Variants in KCNN2 observed in about 807,000 individuals in gnomAD.
KCNN2 encodes potassium calcium-activated channel subfamily N member 2, also known as small conductance calcium-activated potassium channel protein 2.
A neutral mutation model predicts 55.5 loss-of-function variants in KCNN2; 24 were observed. The ratio of observed to expected loss-of-function variants is 0.43; its 90% confidence interval spans 0.31 to 0.61. KCNN2 has a LOEUF of 0.61. KCNN2 is among the 20% of genes least tolerant of loss of function. The pLI is 0.08. For synonymous variants in KCNN2, 431 were observed against 336.1 expected (o/e 1.28, Z -3.09); for missense variants, 754 against 853.6 (o/e 0.88, Z 1.45).
intron 1 of KCNN2, among the ~76,000 whole-genome samples, chr5:114,081,356 A>G (rs1580494013): frequency 6.6e-6 from 1 of 152,276 alleles, no homozygotes; most frequent in East Asian, 1.9e-4. Flanking sequence ...AAGGAAAAAA[A>G]TGGGAAGACT....
chr5:114,483,253 G>A (rs1762307379), intron 5 of KCNN2, among the ~76,000 whole-genome samples: 1 of 148,240 alleles, frequency 6.7e-6, no homozygotes. Context: ...CAATAATGTA[G>A]TAGTAGTGTT....
intron 2 of KCNN2, among the ~76,000 whole-genome samples, chr5:114,365,217 T>C (rs1297073487): frequency 1.3e-5 from 2 of 152,170 alleles, no homozygotes. Context: ...AAAATGTGTT[T>C]TTGAAGGGAT....
chr5:114,287,530 T>C (rs973972578), intron 2 of KCNN2, among the ~76,000 whole-genome samples: 5 of 146,716 alleles, frequency 3.4e-5, no homozygotes, highest in African/African-American at 1.0e-4. Context: ...TTCTCACTGG[T>C]AAGTGGGAGT....
rs10658266 is a variant in KCNN2, at chr5:114,232,925, G to GTTTTTTTTTTTTTTTTT, written c.-185+11373_-185+11374insTTTTTTTTTTTTTTTTT. ...GAGGTAATTTTTTATATTGTTTCTT[G>GTTTTTTTTTTTTTTTTT]TTTTTTTTTTTTTGAGACGGAGTCT... On this transcript the variant is annotated intron_variant, in intron 2 of 10. Coordinates refer to the KCNN2 transcript ENST00000512097. 2.3e-3 allele frequency among the ~76,000 whole-genome samples: 175 copies of GTTTTTTTTTTTTTTTTT among 76,230 alleles called. 25 individuals are homozygous for GTTTTTTTTTTTTTTTTT. The highest frequency in any genetic ancestry group is 0.01 in the Middle Eastern group (1 of 98). 50.0% of individuals were successfully genotyped at this position (76,230 alleles called of 152,430 possible). A position where few individuals can be genotyped will look rare whatever the true frequency, so the allele number is the denominator to read the frequency against.
intron 3 of KCNN2, among the ~76,000 whole-genome samples, chr5:114,410,059 C>T (rs1157713278): frequency 2.0e-5 from 3 of 151,974 alleles, no homozygotes; most frequent in Non-Finnish European, 4.4e-5. Flanking sequence ...GAACACTGTC[C>T]TCTTAAGCAG....
At chr5:114,476,082 A>G (rs137987376) in intron 5 of KCNN2, among the ~76,000 whole-genome samples, 211 of 151,732 alleles carry the variant, frequency 1.4e-3, no homozygotes, top group African/African-American at 5.0e-3. Flanking sequence ...ACATGTGCAC[A>G]TTGTGCAGGT....
Position 114,472,978 on chromosome 5 carries a change from CA to C in KCNN2, c.1780-72del, listed in dbSNP as rs1343726927. 25 of 805,496 alleles carry C rather than the reference CA, an allele frequency of 3.1e-5. No homozygotes were observed. The African/African-American group carries it at 4.4e-4, about 14-fold the overall frequency. The allele number at this position is 805,496 out of a possible 1,614,324, so 49.9% of individuals were successfully genotyped here. A position where few individuals can be genotyped will look rare whatever the true frequency, so the allele number is the denominator to read the frequency against. ...TCCTGAGAAACTTTTGCATTTGATG[CA>C]AAACATTTTCTAATGTGTCTGAGAC... On this transcript the variant is annotated intron_variant, in intron 4 of 7. Transcript: ENST00000673685.
At chr5:114,307,079 G>T (rs1451093159) in intron 2 of KCNN2, among the ~76,000 whole-genome samples, 2 of 152,124 alleles carry the variant, frequency 1.3e-5, no homozygotes, top group African/African-American at 4.8e-5. Flanking sequence ...CATAGTCCTT[G>T]CAAAGTCTAT....
At chr5:114,147,778 T>A (rs535406235) in intron 1 of KCNN2, among the ~76,000 whole-genome samples, 8 of 152,258 alleles carry the variant, frequency 5.3e-5, no homozygotes, top group African/African-American at 1.9e-4. Flanking sequence ...ATTTAAGGTG[T>A]TTAAATTGTC....
chr5:114,406,535 ATT>A (rs774280527), intron 3 of KCNN2, among the ~76,000 whole-genome samples: 3 of 143,230 alleles, frequency 2.1e-5, no homozygotes, highest in Admixed American at 7.0e-5. Flanking sequence ...TTCCTGCACA[ATT>A]TTTTTTTTTT....
intron 5 of KCNN2, among the ~76,000 whole-genome samples, chr5:114,484,532 T>G (rs974648779): frequency 6.6e-6 from 1 of 152,166 alleles, no homozygotes; most frequent in South Asian, 2.1e-4. Flanking sequence ...ACATATCACT[T>G]TCTTTTGCCA....
rs1200961780 is a variant in KCNN2 at position 114,080,750 on chromosome 5, G to T, written c.-271+24250G>T. On this transcript the variant is annotated intron_variant, in intron 1 of 10. Coordinates refer to the KCNN2 transcript ENST00000512097. Reference sequence around the variant, plus strand: ...GATACTCAATAATGAAAGACTAAAAGCTTTTCCCTTATGATCAGGAACAAG... The same window carrying T: ...GATACTCAATAATGAAAGACTAAAATCTTTTCCCTTATGATCAGGAACAAG... Among the ~76,000 whole-genome samples the T allele has an allele frequency of 2.6e-5, 4 of 152,004 alleles. No homozygotes were observed. In the South Asian group the frequency reaches 6.2e-4, roughly 24 times the overall value.
chr5:114,380,905 G>A (rs911420117), intron 2 of KCNN2, among the ~76,000 whole-genome samples: 1 of 152,164 alleles, frequency 6.6e-6, no homozygotes, highest in African/African-American at 2.4e-5. Flanking sequence ...CAGGCATCAT[G>A]TTTGATTCTG....
intron 1 of KCNN2, among the ~76,000 whole-genome samples, chr5:114,114,871 G>C (rs1006537919): frequency 2.6e-5 from 4 of 152,092 alleles, no homozygotes; most frequent in Non-Finnish European, 5.9e-5. Context: ...ATTTCACACA[G>C]CAATACAGGA....
chr5:114,373,848 T>G lies in KCNN2; in HGVS notation c.1218+9847T>G, dbSNP rs1757850913. Among the ~76,000 whole-genome samples the G allele has an allele frequency of 2.7e-5, 4 of 149,182 alleles. No homozygotes were observed. In the South Asian group the frequency reaches 8.6e-4, roughly 32 times the overall value. ...ATGAGAGAGAACAGGAAAAAAAAAGTGGCCATTCAAGCAGTCTTTATTAGT... is the reference window on the plus strand; with the variant it reads ...ATGAGAGAGAACAGGAAAAAAAAAGGGGCCATTCAAGCAGTCTTTATTAGT... On this transcript the variant is annotated intron_variant, in intron 2 of 7. Coordinates refer to ENST00000673685, the MANE Select transcript of KCNN2 (RefSeq NM_021614.4).
chr5:114,388,411 C>G (rs1030097769), intron 2 of KCNN2, among the ~76,000 whole-genome samples: 1 of 152,114 alleles, frequency 6.6e-6, no homozygotes, highest in Non-Finnish European at 1.5e-5. Flanking sequence ...TTCTGTTTTT[C>G]TGTACAGTGT....
chr5:114,371,911 T>C lies in KCNN2; in HGVS notation c.1218+7910T>C, dbSNP rs117920661. ...AATGCTATATTATGCCGACTCTTAT[T>C]AGTCTAAAATGGTCATTGCTTCACA... is the stretch of plus-strand genomic sequence containing the variant. On this transcript the variant is annotated intron_variant, in intron 2 of 7. Coordinates refer to ENST00000673685, the MANE Select transcript of KCNN2 (RefSeq NM_021614.4). 2.6e-5 allele frequency among the ~76,000 whole-genome samples: 4 copies of C among 152,278 alleles called. No individual in the cohort carries two copies. In the East Asian group the frequency reaches 7.7e-4, roughly 29 times the overall value.
At chr5:114,457,086 T>C (rs1157379738) in intron 3 of KCNN2, among the ~76,000 whole-genome samples, 1 of 152,178 alleles carries the variant, frequency 6.6e-6, no homozygotes, top group Non-Finnish European at 1.5e-5. Context: ...TAAAATGCTA[T>C]CATATAGCAT....
rs35619962 is a variant in KCNN2, at chr5:114,304,989, A to AT, written c.-184-55948dup. 1.5e-3 allele frequency among the ~76,000 whole-genome samples: 221 copies of AT among 152,182 alleles called. 1 individual carries two copies. Among genetic ancestry groups the AT allele is most frequent in the African/African-American group, 5.1e-3 (212 of 41,520 alleles). ...TATTTGCCAAAATAACAGATTGCTG[A>AT]TTTTTTTTAAGATTATATCAGTCAG... is the stretch of plus-strand genomic sequence containing the variant. On this transcript the variant is annotated intron_variant, in intron 2 of 10. Coordinates refer to the KCNN2 transcript ENST00000512097.
Sources: allele counts gnomAD v4.1 joint callset (sites outside exome capture counted in the v4.1 genomes callset), GRCh38; gene constraint gnomAD v4.1.1; transcripts MANE v1.5; gene names NCBI Gene and HGNC (gene_info 2026-07-23, HGNC 2026-07-21).